DRICH1: variants seen among roughly 807,000 people sequenced by gnomAD.
DRICH1 encodes aspartate rich 1, also known as aspartate-rich protein 1.
A neutral mutation model predicts 39.5 loss-of-function variants in DRICH1; 38 were observed. The observed-to-expected ratio is 0.96, with a 90% CI of 0.74 to 1.26. The LOEUF is 1.26. DRICH1 is among the 50% of genes most tolerant of loss of function. DRICH1 has a pLI of 0.00. For missense variants in DRICH1, 279 were observed against 270.4 expected, an observed-to-expected ratio of 1.03 and a Z score of -0.22; for synonymous variants, 84 against 99.5, an observed-to-expected ratio of 0.84 and a Z score of 0.93.
At chr22:23,627,330 C>T (rs897803957) in intron 1 of DRICH1, among the ~76,000 whole-genome samples, 2 of 152,132 alleles carry the variant, frequency 1.3e-5, no homozygotes, top group African/African-American at 4.8e-5. Context: ...GCCCTGGCCT[C>T]CCAAAGTGCT....
At chr22:23,625,282 G>A (rs192885067) in intron 2 of DRICH1, among the ~76,000 whole-genome samples, 116 of 152,228 alleles carry the variant, frequency 7.6e-4, no homozygotes, top group African/African-American at 2.6e-3. Flanking sequence ...TGTGTACGTT[G>A]TACATAATGT....
the DRICH1 span, among the ~76,000 whole-genome samples, chr22:23,585,000 C>G: frequency 1.3e-5 from 2 of 152,148 alleles, no homozygotes; most frequent in Non-Finnish European, 2.9e-5. Context: ...ATGTGGTGGT[C>G]TCATCATTGT....
In DRICH1 at chr22:23,608,707, C is replaced by T. The variant is rs978452023; in HGVS notation, c.*57G>A. 9.1e-6 allele frequency: 14 copies of T among 1,538,614 alleles called. No individual in the cohort carries two copies. Among genetic ancestry groups the T allele is most frequent in the African/African-American group, 1.4e-5 (1 of 72,836 alleles). On this transcript the variant is annotated 3_prime_UTR_variant, in exon 12 of 12. Coordinates refer to ENST00000317749, the MANE Select transcript of DRICH1 (RefSeq NM_016449.4). The stretch of plus-strand genomic sequence containing the variant: ...TCCAGGGGCAAAGCTGGGGACCCTG[C>T]AGCACGCGCTGGCCTGCCCTTTGGG...
intron 1 of DRICH1, among the ~76,000 whole-genome samples, chr22:23,627,853 C>T (rs1294698223): frequency 1.3e-5 from 2 of 152,146 alleles, no homozygotes; most frequent in African/African-American, 4.8e-5. Flanking sequence ...ATTTCCACAA[C>T]TAAGCTAGAT....
chr22:23,585,796 A>G, the DRICH1 span, among the ~76,000 whole-genome samples: 1 of 152,258 alleles, frequency 6.6e-6, no homozygotes, highest in African/African-American at 2.4e-5. Context: ...CTGGGATTAC[A>G]GGGATGAGTC....
At chr22:23,581,322 G>A in the DRICH1 span, 1 of 152,242 alleles carries the variant, frequency 6.6e-6, no homozygotes, top group Non-Finnish European at 1.5e-5. Context: ...AACATCTCGC[G>A]ACCCTGTGCT....
intron 2 of DRICH1, among the ~76,000 whole-genome samples, chr22:23,625,526 A>G (rs1336420309): frequency 6.6e-6 from 1 of 152,102 alleles, no homozygotes; most frequent in Non-Finnish European, 1.5e-5. Flanking sequence ...AGTTTAGTCT[A>G]AGTTGAAAGT....
the DRICH1 span, among the ~76,000 whole-genome samples, chr22:23,584,714 ATAT>A: frequency 5.3e-5 from 8 of 152,184 alleles, no homozygotes; most frequent in Non-Finnish European, 1.2e-4. Flanking sequence ...ATTTGGTCAA[ATAT>A]TATTCTGATG....
chr22:23,605,406 C>A (rs1226679416), downstream of DRICH1, among the ~76,000 whole-genome samples: 1 of 152,162 alleles, frequency 6.6e-6, no homozygotes, highest in Admixed American at 6.5e-5. Flanking sequence ...GTCTAGTGAC[C>A]CACAGACCCC....
the DRICH1 span, among the ~76,000 whole-genome samples, chr22:23,596,804 T>C: frequency 1.3e-5 from 2 of 152,234 alleles, no homozygotes; most frequent in Admixed American, 1.3e-4. Context: ...CCAGAGAACA[T>C]TCCATGTGTG....
At chr22:23,591,836 T>C in the DRICH1 span, among the ~76,000 whole-genome samples, 1 of 152,216 alleles carries the variant, frequency 6.6e-6, no homozygotes, top group Non-Finnish European at 1.5e-5. Flanking sequence ...ATTTTCTCCT[T>C]TCCCACGAAC....
chr22:23,623,584 A>G (rs1227190970), intron 3 of DRICH1, among the ~76,000 whole-genome samples: 3 of 151,824 alleles, frequency 2.0e-5, no homozygotes, highest in Non-Finnish European at 4.4e-5. Flanking sequence ...TACTACACAA[A>G]TAATCTACAG....
the DRICH1 span, among the ~76,000 whole-genome samples, chr22:23,587,743 T>G: frequency 6.6e-6 from 1 of 151,554 alleles, no homozygotes. Context: ...AACCCAGGGG[T>G]CTCCCCACCG....
At chr22:23,587,301 A>G in the DRICH1 span, among the ~76,000 whole-genome samples, 213 of 152,318 alleles carry the variant, frequency 1.4e-3, no homozygotes, top group Middle Eastern at 0.017. Context: ...GGAGGGAGTT[A>G]CTGCCTGGCA....
chr22:23,592,835 T>TACACACACACAC, the DRICH1 span, among the ~76,000 whole-genome samples: 12 of 135,244 alleles, frequency 8.9e-5, no homozygotes, highest in African/African-American at 2.0e-4. Context: ...CTATTAAAAA[T>TACACACACACAC]ACACACACAC....
At chr22:23,613,208 C>T (rs1351794088) in intron 11 of DRICH1, 81 bp downstream of exon 11, 9 of 1,017,404 alleles carry the variant, frequency 8.8e-6, no homozygotes, top group Non-Finnish European at 1.4e-5. Context: ...CCTTCAGCCC[C>T]TCCTCACAAG....
the DRICH1 span, among the ~76,000 whole-genome samples, chr22:23,595,466 G>A: frequency 6.6e-6 from 1 of 151,888 alleles, no homozygotes. Context: ...GTCACTCAGA[G>A]TCACCCGAGC....
Position 23,620,632 on chromosome 22 carries a change from G to T in DRICH1, c.385-17C>A. On this transcript the variant is annotated splice_polypyrimidine_tract_variant and intron_variant, in intron 4 of 11. Coordinates refer to ENST00000317749, the MANE Select transcript of DRICH1 (RefSeq NM_016449.4). ...CGGTAAAATCTGCAACGAGACAAAA[G>T]AAGATGCTATGAGGATCAGATCAAT... 6.2e-7 allele frequency: 1 copy of T among 1,613,590 alleles called. No homozygotes were observed. Among genetic ancestry groups the T allele is most frequent in the Non-Finnish European group, 8.5e-7 (1 of 1,179,536 alleles).
the DRICH1 span, among the ~76,000 whole-genome samples, chr22:23,582,040 C>CAT: frequency 2.0e-5 from 3 of 151,584 alleles, no homozygotes; most frequent in East Asian, 3.9e-4. Flanking sequence ...AGTGCAGTGG[C>CAT]GCAATCTTAG....
Sources: allele counts gnomAD v4.1 joint callset (sites outside exome capture counted in the v4.1 genomes callset), GRCh38; gene constraint gnomAD v4.1.1; transcripts MANE v1.5; gene names NCBI Gene and HGNC (gene_info 2026-07-23, HGNC 2026-07-21).